FREM1: variants seen among roughly 807,000 people sequenced by gnomAD.
The protein encoded by FREM1 is FRAS1-related extracellular matrix protein 1.
FREM1 carries 220 observed loss-of-function variants against 210.1 expected under a neutral mutation model. That is an observed-to-expected ratio of 1.05 (90% confidence interval 0.94 to 1.17). The LOEUF (loss-of-function observed/expected upper bound fraction) is 1.17. FREM1 is among the 50% of genes most tolerant of loss of function. The pLI, the probability that FREM1 is intolerant of heterozygous loss-of-function variation, is 0.00. For missense variants in FREM1, 3,454 were observed against 2,675.5 expected, an observed-to-expected ratio of 1.29 and a Z score of -6.42; for synonymous variants, 1,189 against 980.2, an observed-to-expected ratio of 1.21 and a Z score of -3.98.
chr9:14,902,665 C>T (rs1002216413), intron 1 of FREM1, among the ~76,000 whole-genome samples: 1 of 152,082 alleles, frequency 6.6e-6, no homozygotes, highest in Non-Finnish European at 1.5e-5. Context: ...AGAGGCTCTA[C>T]GGACAAATGA....
At chr9:14,743,956 T>C (rs954774671) in intron 35 of FREM1, among the ~76,000 whole-genome samples, 8 of 152,176 alleles carry the variant, frequency 5.3e-5, no homozygotes, top group Non-Finnish European at 1.0e-4. Flanking sequence ...CTAGTTAAGA[T>C]GTCATTTTAA....
At chr9:14,875,110 T>G (rs1833448308) in intron 1 of FREM1, among the ~76,000 whole-genome samples, 1 of 152,216 alleles carries the variant, frequency 6.6e-6, no homozygotes, top group African/African-American at 2.4e-5. Context: ...ATTTTTTCCT[T>G]CATGTCAACT....
chr9:14,860,586 TATATATAC>T (rs1564099314), intron 3 of FREM1, among the ~76,000 whole-genome samples: 65 of 87,726 alleles, frequency 7.4e-4, no homozygotes, highest in East Asian at 3.4e-3. Context: ...TATATACACA[TATATATAC>T]ATATATACAC....
Position 14,885,789 on chromosome 9 carries a change from A to T in FREM1, c.-267-16545T>A, listed in dbSNP as rs78672113. ...CATGATGTTTTGATATACATATACA[A>T]TGTGAAATAGCTAAATCAAATAACT... On this transcript the variant is annotated intron_variant, in intron 1 of 36. Transcript: ENST00000380880. Among the ~76,000 whole-genome samples, 1,071 of 152,332 alleles carry T rather than the reference A, an allele frequency of 7.0e-3. 10 individuals are homozygous for T. The highest frequency in any genetic ancestry group is 0.025 in the African/African-American group (1,030 of 41,576).
Position 14,842,456 on chromosome 9 carries a change from T to TCCTGCC in FREM1, c.1597_1598insGGCAGG (p.Leu532_Glu533insGlyGln). 1 of 1,613,994 alleles carries TCCTGCC rather than the reference T, an allele frequency of 6.2e-7. No homozygotes were observed. Among genetic ancestry groups the TCCTGCC allele is most frequent in the Non-Finnish European group, 8.5e-7 (1 of 1,179,862 alleles). On this transcript the variant is annotated inframe_insertion, in exon 9 of 37. Coordinates refer to ENST00000380880, the MANE Select transcript of FREM1 (RefSeq NM_001379081.2). ...CTGGATCAGGATGGTCTGCCCCTCC[T>TCCTGCC]CCAGTTCAATCACAACATTGGTTAT...
At chr9:14,887,502 C>T (rs982433127) in intron 1 of FREM1, among the ~76,000 whole-genome samples, 2 of 152,276 alleles carry the variant, frequency 1.3e-5, no homozygotes, top group South Asian at 2.1e-4. Context: ...AACCTCTTAT[C>T]GAGCTTTAAT....
At chr9:14,747,916 T>C (rs939347117) in intron 31 of FREM1, among the ~76,000 whole-genome samples, 188 bp from the exon 32 acceptor site, 1 of 152,260 alleles carries the variant, frequency 6.6e-6, no homozygotes, top group African/African-American at 2.4e-5. Context: ...TTATGATTGT[T>C]GTGTGGATTC....
intron 10 of FREM1, among the ~76,000 whole-genome samples, chr9:14,835,428 A>G (rs1168532928): frequency 1.3e-5 from 2 of 152,230 alleles, no homozygotes; most frequent in African/African-American, 4.8e-5. Flanking sequence ...TGGTTATTTT[A>G]TCAAGGCTTT....
Position 14,788,929 on chromosome 9 carries a change from G to A in FREM1, c.4167C>T (p.Asp1389=), listed in dbSNP as rs1850841376. 2.5e-6 allele frequency: 4 copies of A among 1,611,120 alleles called. No individual in the cohort carries two copies. Among genetic ancestry groups the A allele is most frequent in the Non-Finnish European group, 3.4e-6 (4 of 1,178,704 alleles). Residue 1389 remains aspartate, a synonymous_variant, in exon 23 of 37, where the codon GAC becomes GAT. Coordinates refer to ENST00000380880, the MANE Select transcript of FREM1 (RefSeq NM_001379081.2). The part of the protein sequence containing the change: ...PALDCQITIK[D]MEKGDIVILT... ...TAGACGTGCTTTTACCTTTTTCCAT[G>A]TCCTTGATGGTGATTTGACAGTCAA...
At chr9:14,780,114 C>G (rs1849413348) in intron 24 of FREM1, among the ~76,000 whole-genome samples, 1 of 152,162 alleles carries the variant, frequency 6.6e-6, no homozygotes, top group African/African-American at 2.4e-5. Flanking sequence ...ATGTTTAAAA[C>G]CATAAAGCCA....
chr9:14,746,866 GCT>G, intron 34 of FREM1, 55 bp downstream of exon 34: 1 of 1,571,408 alleles, frequency 6.4e-7, no homozygotes, highest in Non-Finnish European at 8.6e-7. Flanking sequence ...CCCTCTATTA[GCT>G]TATCATAGAG....
chr9:14,763,221 C>A (rs1168115566), intron 27 of FREM1, among the ~76,000 whole-genome samples: 1 of 152,126 alleles, frequency 6.6e-6, no homozygotes, highest in Non-Finnish European at 1.5e-5. Context: ...GGGAGGCTGT[C>A]CTGTGTGGGA....
intron 5 of FREM1, among the ~76,000 whole-genome samples, chr9:14,853,660 T>G (rs569583092): frequency 6.6e-6 from 1 of 152,040 alleles, no homozygotes; most frequent in Non-Finnish European, 1.5e-5. Context: ...TAACCAGCAA[T>G]GCCCAGAGAA....
chr9:14,810,944 A>G (rs1360246111), intron 16 of FREM1, among the ~76,000 whole-genome samples: 1 of 152,180 alleles, frequency 6.6e-6, no homozygotes, highest in Non-Finnish European at 1.5e-5. Context: ...TACTTATAGA[A>G]AGCAAATAAA....
At chr9:14,776,293 A>C in intron 24 of FREM1, 90 bp from the exon 25 acceptor site, 1 of 1,383,144 alleles carries the variant, frequency 7.2e-7, no homozygotes, top group Non-Finnish European at 9.6e-7. Context: ...CCTTTACTAA[A>C]GGGTATTGTC....
At chr9:14,840,616 C>A (rs571273291) in intron 10 of FREM1, among the ~76,000 whole-genome samples, 7 of 152,304 alleles carry the variant, frequency 4.6e-5, no homozygotes, top group Admixed American at 1.3e-4. Flanking sequence ...TTACCTCCCA[C>A]CAGGTTCCTC....
intron 12 of FREM1, among the ~76,000 whole-genome samples, chr9:14,823,571 A>T (rs1392999784): frequency 6.6e-6 from 1 of 152,224 alleles, no homozygotes; most frequent in Non-Finnish European, 1.5e-5. Context: ...TGGCCCTGCC[A>T]ACACCTTGAT....
chr9:14,760,093 A>G (rs1026811600), intron 27 of FREM1, among the ~76,000 whole-genome samples, 192 bp from the exon 28 acceptor site: 1 of 152,212 alleles, frequency 6.6e-6, no homozygotes, highest in Non-Finnish European at 1.5e-5. Context: ...TCCTTACAAC[A>G]ACCCTGTAAG....
chr9:14,808,536 C>T (rs1319085230), intron 16 of FREM1, among the ~76,000 whole-genome samples: 1 of 152,178 alleles, frequency 6.6e-6, no homozygotes, highest in Non-Finnish European at 1.5e-5. Flanking sequence ...AAGTGTCTTT[C>T]CATTTACATT....
Sources: allele counts gnomAD v4.1 joint callset (sites outside exome capture counted in the v4.1 genomes callset), GRCh38; gene constraint gnomAD v4.1.1; transcripts MANE v1.5; gene names NCBI Gene and HGNC (gene_info 2026-07-23, HGNC 2026-07-21).